NRDC: variants seen among roughly 807,000 people sequenced by gnomAD.
NRDC encodes the protein nardilysin.
Under a neutral mutation model 147.1 loss-of-function variants are expected in NRDC, and 54 were observed. That is an observed-to-expected ratio of 0.37 (90% CI 0.29 to 0.46). NRDC has a LOEUF of 0.46. Among genes scored for constraint, NRDC ranks in the 20% least tolerant of loss-of-function variants. The probability of loss-of-function intolerance (pLI) is 1.00; values close to 1 mark genes in which losing one functional copy is unlikely to be tolerated. For synonymous variants in NRDC, 440 were observed against 482.1 expected (o/e 0.91, Z 1.14); for missense variants, 1,082 against 1,370.6 (o/e 0.79, Z 3.33).
chr1:51,841,794 G>A lies in NRDC; in HGVS notation c.342-1280C>T, dbSNP rs553579848. Among the ~76,000 whole-genome samples the A allele has an allele frequency of 4.5e-4, 69 of 152,260 alleles. 1 individual carries two copies. The highest frequency in any genetic ancestry group is 1.6e-3 in the African/African-American group (68 of 41,548). On this transcript the variant is annotated intron_variant, in intron 1 of 30. Coordinates refer to ENST00000352171, the MANE Select transcript of NRDC (RefSeq NM_001101662.2). ...TGACAGAGATAAATACAGAATGTAA[G>A]AAACAAGCAGTCAGGGAAGGCGTCT...
intron 2 of NRDC, among the ~76,000 whole-genome samples, chr1:51,838,746 T>C (rs1217456143): frequency 6.6e-6 from 1 of 152,194 alleles, no homozygotes; most frequent in African/African-American, 2.4e-5. Context: ...TTGTGACTTT[T>C]ATAATTTCTT....
rs550482438 is a variant in NRDC, at chr1:51,840,193, C to A, written c.630+33G>T. ...GAGTTTAGAAGTTACCCAAAGAATT[C>A]CCAAATTAGAAGAAAACAGACATGA... On this transcript the variant is annotated intron_variant, in intron 2 of 30. Transcript: ENST00000352171. 1.9e-6 allele frequency: 3 copies of A among 1,542,198 alleles called. No individual in the cohort carries two copies. The South Asian group carries it at 3.9e-5, about 20-fold the overall frequency.
intron 1 of NRDC, among the ~76,000 whole-genome samples, chr1:51,851,855 C>G (rs1681966572): frequency 6.6e-6 from 1 of 152,178 alleles, no homozygotes; most frequent in South Asian, 2.1e-4. Context: ...TAGATCCCCT[C>G]CAGGAACAGC....
chr1:51,798,080 C>T, intron 22 of NRDC, 169 bp downstream of exon 22: 1 of 601,334 alleles, frequency 1.7e-6, no homozygotes, highest in Non-Finnish European at 2.9e-6. Flanking sequence ...CAGCAGTCTT[C>T]ATCTTAAGAA....
At chr1:51,837,231 AT>A (rs112209098) in intron 2 of NRDC, among the ~76,000 whole-genome samples, 4,059 of 152,280 alleles carry the variant, frequency 0.027, 175 homozygotes, top group African/African-American at 0.093. Flanking sequence ...GGGCTAACAT[AT>A]TTGGTGAAAC....
chr1:51,869,650 T>C (rs1021789168), intron 1 of NRDC, among the ~76,000 whole-genome samples: 2 of 152,212 alleles, frequency 1.3e-5, no homozygotes, highest in African/African-American at 2.4e-5. Context: ...TTAATCTTTA[T>C]TCAACCAATG....
chr1:51,801,842 C>T (rs900509416), intron 20 of NRDC, among the ~76,000 whole-genome samples: 15 of 151,980 alleles, frequency 9.9e-5, no homozygotes, highest in African/African-American at 3.6e-4. Context: ...GGCTGGAATG[C>T]AGTGGCGCGA....
chr1:51,876,288 G>A (rs747007939), intron 1 of NRDC, among the ~76,000 whole-genome samples: 1 of 152,044 alleles, frequency 6.6e-6, no homozygotes, highest in Non-Finnish European at 1.5e-5. Flanking sequence ...TCCTTTATCC[G>A]AAACACTCGG....
chr1:51,800,621 T>C lies in NRDC; in HGVS notation c.2376A>G (p.Thr792=), dbSNP rs1332551025. Residue 792 remains threonine (T), a synonymous_variant, in exon 21 of 31, where the codon ACA becomes ACG. Transcript: ENST00000352171. The part of the protein sequence containing the change: ...AEFNSTPAVF[T]MITEQLKKTY... ...TCTTCTTCAACTGCTCAGTTATCAT[T>C]GTAAAGACAGCTGGTGTGGAATTGA... is the stretch of plus-strand genomic sequence containing the variant. The C allele has an allele frequency of 6.2e-7, 1 of 1,614,068 alleles. No homozygotes were observed. The highest frequency in any genetic ancestry group is 1.1e-5 in the South Asian group (1 of 91,072).
At chr1:51,840,062 A>T (rs1557922457) in intron 2 of NRDC, 164 bp downstream of exon 2, 1 of 537,348 alleles carries the variant, frequency 1.9e-6, no homozygotes, top group Non-Finnish European at 3.3e-6. Context: ...TACTTTTATA[A>T]TTGGAGGAAA....
intron 8 of NRDC, 76 bp downstream of exon 8, chr1:51,821,418 CAAAA>C (rs1055312997): frequency 1.1e-4 from 106 of 938,040 alleles, no homozygotes; most frequent in Non-Finnish European, 1.5e-4. Flanking sequence ...AATAAAAAAG[CAAAA>C]AACCTTTGGG....
At chr1:51,800,717 A>T in intron 20 of NRDC, 34 bp from the exon 21 acceptor site, 2 of 1,607,144 alleles carry the variant, frequency 1.2e-6, no homozygotes, top group Middle Eastern at 1.7e-4. Flanking sequence ...TTTAAGAAGC[A>T]TGGAAATCCA....
chr1:51,822,319 T>G (rs1048501942), intron 7 of NRDC, among the ~76,000 whole-genome samples: 1 of 152,158 alleles, frequency 6.6e-6, no homozygotes, highest in African/African-American at 2.4e-5. Context: ...TGTTTGACTC[T>G]TAAATGGTAT....
At chr1:51,826,366 A>C (rs1289608559) in intron 5 of NRDC, among the ~76,000 whole-genome samples, 1 of 152,220 alleles carries the variant, frequency 6.6e-6, no homozygotes, top group East Asian at 1.9e-4. Context: ...ACGAAAAGTG[A>C]TTTAAGACCC....
intron 1 of NRDC, among the ~76,000 whole-genome samples, chr1:51,876,297 G>A (rs966894226): frequency 1.3e-5 from 2 of 152,082 alleles, no homozygotes; most frequent in Non-Finnish European, 2.9e-5. Flanking sequence ...CGAAACACTC[G>A]GGACCAAAAG....
chr1:51,834,954 C>G (rs1001821595), intron 3 of NRDC, among the ~76,000 whole-genome samples: 39 of 151,954 alleles, frequency 2.6e-4, no homozygotes, highest in Non-Finnish European at 5.6e-4. Flanking sequence ...AGTATACCCT[C>G]AAATACTTTA....
At chr1:51,818,932 A>G (rs1680090873) in intron 9 of NRDC, among the ~76,000 whole-genome samples, 1 of 152,266 alleles carries the variant, frequency 6.6e-6, no homozygotes, top group East Asian at 1.9e-4. Context: ...TAAATGAAAC[A>G]AAGCAGGAGA....
At chr1:51,870,230 T>C (rs1683017683) in intron 1 of NRDC, among the ~76,000 whole-genome samples, 1 of 152,192 alleles carries the variant, frequency 6.6e-6, no homozygotes, top group African/African-American at 2.4e-5. Flanking sequence ...GCATTTAGCC[T>C]AGCAAACATT....
chr1:51,852,051 A>C (rs1681977103), intron 1 of NRDC, among the ~76,000 whole-genome samples: 1 of 152,096 alleles, frequency 6.6e-6, no homozygotes, highest in South Asian at 2.1e-4. Flanking sequence ...TTTTTGGTAC[A>C]CGTTGTGTGT....
Sources: allele counts gnomAD v4.1 joint callset (sites outside exome capture counted in the v4.1 genomes callset), GRCh38; gene constraint gnomAD v4.1.1; transcripts MANE v1.5; gene names NCBI Gene and HGNC (gene_info 2026-07-23, HGNC 2026-07-21).